Variants in SUPT6H observed in about 807,000 individuals in gnomAD.
SUPT6H encodes the protein SPT6 homolog, histone chaperone and transcription elongation factor, also known as transcription elongation factor SPT6.
Under a neutral mutation model 222.3 loss-of-function variants are expected in SUPT6H, and 11 were observed. The ratio of observed to expected loss-of-function variants is 0.05; its 90% CI spans 0.03 to 0.08. The LOEUF (loss-of-function observed/expected upper bound fraction) is 0.08. SUPT6H is among the 10% of genes least tolerant of loss of function. SUPT6H has a pLI of 1.00. For missense variants in SUPT6H, 1,422 were observed against 2,216.0 expected (o/e 0.64, Z 7.19); for synonymous variants, 762 against 801.2 (o/e 0.95, Z 0.83).
chr17:28,699,972 G>C, intron 33 of SUPT6H, 79 bp downstream of exon 33: 1 of 1,452,342 alleles, frequency 6.9e-7, no homozygotes, highest in African/African-American at 1.4e-5. Context: ...CCCAGCCTAG[G>C]GGACCAGGTG....
In SUPT6H at chr17:28,667,403, G is replaced by GTATATATATATA. The variant is rs1432342239; in HGVS notation, c.-32+5062_-32+5063insATATATATATAT. On this transcript the variant is annotated intron_variant, in intron 1 of 36. Transcript: ENST00000314616. Reference sequence around the variant, plus strand: ...AAAAAAAAAAAAAAAAAGTGTGTGTGTGTATATATATATATATATATATAT... The same window carrying GTATATATATATA: ...AAAAAAAAAAAAAAAAAGTGTGTGTGTATATATATATATGTATATATATATATATATATATAT... Among the ~76,000 whole-genome samples the GTATATATATATA allele has an allele frequency of 9.0e-3, 382 of 42,250 alleles. 6 individuals are homozygous for GTATATATATATA. The highest frequency in any genetic ancestry group is 0.019 in the South Asian group (14 of 718). 27.7% of individuals were successfully genotyped at this position (42,250 alleles called of 152,430 possible).
At position 28,702,659 on chromosome 17, in the gene SUPT6H, A is replaced by G. The variant is rs2032177604; in HGVS notation, c.*1034A>G. ...CTCTGGCACCCTGGAGAAAGGCCAC[A>G]AGTAAATCTGGATTTCTCAACTTGA... On this transcript the variant is annotated 3_prime_UTR_variant, in exon 37 of 37. Transcript: ENST00000314616. 1 of 152,594 alleles carries G rather than the reference A, an allele frequency of 6.6e-6. No homozygotes were observed. Among genetic ancestry groups the G allele is most frequent in the African/African-American group, 2.4e-5 (1 of 41,478 alleles). The allele number at this position is 152,594 out of a possible 1,614,324, so 9.5% of individuals were successfully genotyped here.
intron 1 of SUPT6H, among the ~76,000 whole-genome samples, chr17:28,665,896 A>ACAGAGCAGGACCC (rs1469722094): frequency 6.6e-6 from 1 of 152,180 alleles, no homozygotes; most frequent in African/African-American, 2.4e-5. Flanking sequence ...AGTCTGGGTG[A>ACAGAGCAGGACCC]CAGAGCAGGA....
intron 27 of SUPT6H, chr17:28,691,849 C>CAAAAAAAA: frequency 1.2e-5 from 1 of 80,090 alleles, no homozygotes. Flanking sequence ...GACTCCGTCT[C>CAAAAAAAA]AAAAAAAAAA....
chr17:28,687,052 G>T (rs2031418273), intron 21 of SUPT6H, 36 bp from the exon 22 acceptor site: 1 of 1,606,672 alleles, frequency 6.2e-7, no homozygotes, highest in Non-Finnish European at 8.5e-7. Context: ...TAGCTAAGGG[G>T]ATTTTAAGGC....
rs778126899 is a variant in SUPT6H at position 28,698,293 on chromosome 17, C to T, written c.4448+263C>T. 4.5e-4 allele frequency among the ~76,000 whole-genome samples: 68 copies of T among 152,206 alleles called. 1 individual carries two copies. The highest frequency in any genetic ancestry group is 5.9e-5 in the Non-Finnish European group (4 of 68,032). Reference sequence around the variant, plus strand: ...ACCTCCTCTCCCTCCCACAGAGTGACAGGAGTCACCAGACACTCTTCACCT... The same window carrying T: ...ACCTCCTCTCCCTCCCACAGAGTGATAGGAGTCACCAGACACTCTTCACCT... On this transcript the variant is annotated intron_variant, in intron 32 of 36. Coordinates refer to ENST00000314616, the MANE Select transcript of SUPT6H (RefSeq NM_003170.5).
In SUPT6H at chr17:28,684,587, C is replaced by T. The variant is rs777498832; in HGVS notation, c.2231C>T (p.Ala744Val). 1.2e-6 allele frequency: 2 copies of T among 1,614,148 alleles called. No homozygotes were observed. The highest frequency in any genetic ancestry group is 2.2e-5 in the South Asian group (2 of 91,076). Reference protein sequence around the residue: ...LAEAKEYVIKACSRKLYNWLR... With the variant: ...LAEAKEYVIKVCSRKLYNWLR... Reference sequence around the variant, plus strand: ...TACCTGTTGTGTCTCTTCCCTCAGGCCTGTAGTCGAAAGCTCTACAATTGG... The same window carrying T: ...TACCTGTTGTGTCTCTTCCCTCAGGTCTGTAGTCGAAAGCTCTACAATTGG... Residue 744 changes from alanine (A) to valine (V), a missense_variant and splice_region_variant, in exon 18 of 37, where the codon GCC becomes GTC. Physicochemically the swap from Ala to Val is moderately conservative, Grantham distance 64 (BLOSUM62 0). This residue lies in a region of SUPT6H where 294 missense variants were observed against 382.1 expected (regional missense o/e 0.77). Coordinates refer to ENST00000314616, the MANE Select transcript of SUPT6H (RefSeq NM_003170.5).
chr17:28,693,897 T>G, intron 28 of SUPT6H, 61 bp downstream of exon 28: 1 of 1,608,850 alleles, frequency 6.2e-7, no homozygotes. Context: ...TCAGGTCTCT[T>G]TAACTTTGGG....
chr17:28,669,705 C>T lies in SUPT6H; in HGVS notation c.-31-3666C>T, dbSNP rs574801976. Among the ~76,000 whole-genome samples the T allele has an allele frequency of 2.6e-4, 40 of 152,276 alleles. 2 individuals carry two copies. The South Asian group carries it at 7.7e-3, about 29-fold the overall frequency. ...GTCCCAGCACTTTGGGAGGCCAAGG[C>T]AGGTGGATCACTTGAGGTCAGGAGT... On this transcript the variant is annotated intron_variant, in intron 1 of 36. Coordinates refer to ENST00000314616, the MANE Select transcript of SUPT6H (RefSeq NM_003170.5).
chr17:28,671,787 TC>T (rs1431599440), intron 1 of SUPT6H, among the ~76,000 whole-genome samples: 2 of 152,238 alleles, frequency 1.3e-5, no homozygotes, highest in Admixed American at 6.5e-5. Flanking sequence ...ATAGGTTCTT[TC>T]CCCTATGTCA....
At chr17:28,676,549 G>T in intron 7 of SUPT6H, 119 bp downstream of exon 7, 1 of 1,466,010 alleles carries the variant, frequency 6.8e-7, no homozygotes, top group Non-Finnish European at 9.1e-7. Context: ...ATCTCACCTG[G>T]GGCCTGGGAA....
rs781262901 is a variant in SUPT6H, at chr17:28,686,773, A to G, written c.2684A>G (p.Asn895Ser). 2 of 1,607,922 alleles carry G rather than the reference A, an allele frequency of 1.2e-6. No homozygotes were observed. Among genetic ancestry groups the G allele is most frequent in the South Asian group, 2.2e-5 (2 of 89,854 alleles). The change falls in exon 21 of 37, where the codon AAC (asparagine) becomes AGC (serine). Residue 895 changes from asparagine to serine, a missense_variant. Coordinates refer to ENST00000314616, the MANE Select transcript of SUPT6H (RefSeq NM_003170.5). ...VDNELAILYM[N>S]SKKSEAEFRD... ...AACGAGTTGGCCATTCTCTATATGA[A>G]CAGCAAGAAGTCAGAGGTAATGCTG... is the stretch of plus-strand genomic sequence containing the variant.
Position 28,701,737 on chromosome 17 carries a change from GTTCTCT to G in SUPT6H, c.*115_*120del. ...TCCATAAAGTGGCGTGAAGTGAGACGTTCTCTTTGGTGGTCAACCCGGATGGGTGAC... is the reference window on the plus strand; with the variant it reads ...TCCATAAAGTGGCGTGAAGTGAGACGTTGGTGGTCAACCCGGATGGGTGAC... On this transcript the variant is annotated 3_prime_UTR_variant, in exon 37 of 37. Transcript: ENST00000314616. 8.4e-7 allele frequency: 1 copy of G among 1,184,864 alleles called. No individual in the cohort carries two copies. Among genetic ancestry groups the G allele is most frequent in the East Asian group, 2.4e-5 (1 of 40,956 alleles). 73.4% of individuals were successfully genotyped at this position (1,184,864 alleles called of 1,614,324 possible).
chr17:28,691,204 A>G (rs2151649393), intron 27 of SUPT6H, 141 bp downstream of exon 27: 1 of 1,177,082 alleles, frequency 8.5e-7, no homozygotes. Flanking sequence ...GACGGGAAAC[A>G]CACAGGTTTA....
intron 1 of SUPT6H, among the ~76,000 whole-genome samples, chr17:28,662,746 C>T (rs891089305): frequency 1.3e-5 from 2 of 152,188 alleles, no homozygotes; most frequent in Non-Finnish European, 2.9e-5. Context: ...GCTCGGCCAT[C>T]AGGCTAGAGG....
intron 27 of SUPT6H, 92 bp from the exon 28 acceptor site, chr17:28,693,604 A>G: frequency 3.4e-6 from 5 of 1,485,958 alleles, no homozygotes; most frequent in Non-Finnish European, 4.6e-6. Context: ...TGTCAATGGT[A>G]AAAGAAATTA....
At chr17:28,699,719 C>T (rs2032057033) in intron 32 of SUPT6H, 62 bp from the exon 33 acceptor site, 1 of 1,375,638 alleles carries the variant, frequency 7.3e-7, no homozygotes, top group South Asian at 1.2e-5. Context: ...GGCATCTGTT[C>T]TGGTCGCTCT....
At chr17:28,689,928 G>A (rs1291493558) in intron 25 of SUPT6H, among the ~76,000 whole-genome samples, 154 bp from the exon 26 acceptor site, 1 of 152,150 alleles carries the variant, frequency 6.6e-6, no homozygotes, top group Non-Finnish European at 1.5e-5. Flanking sequence ...GGCTAAGTTT[G>A]AAAACCACCT....
chr17:28,692,663 A>G (rs2031722138), intron 27 of SUPT6H, among the ~76,000 whole-genome samples: 2 of 147,756 alleles, frequency 1.4e-5, no homozygotes, highest in Non-Finnish European at 3.0e-5. Flanking sequence ...GGAGTTCAAG[A>G]CCAACCTGAG....
Sources: gnomAD v4.1 joint callset for allele counts (sites outside exome capture counted in the v4.1 genomes callset) on GRCh38, gnomAD v4.1.1 for gene constraint, gnomAD v4.1.1 regional missense constraint, MANE v1.5 for transcripts, NCBI Gene and HGNC (gene_info 2026-07-23, HGNC 2026-07-21) for gene names.